ITGA1: variants seen among roughly 807,000 people sequenced by gnomAD.
ITGA1 encodes the protein integrin alpha-1.
Under a neutral mutation model 145.9 loss-of-function variants are expected in ITGA1, and 85 were observed. The ratio of observed to expected loss-of-function variants is 0.58; its 90% CI spans 0.49 to 0.70. ITGA1 has a LOEUF of 0.70. ITGA1 is among the 30% of genes least tolerant of loss of function. ITGA1 has a pLI of 0.00. For missense variants in ITGA1, 1,351 were observed against 1,418.7 expected (o/e 0.95, Z 0.77); for synonymous variants, 520 against 495.3 (o/e 1.05, Z -0.66).
chr5:52,933,508 G>A (rs900843217), intron 22 of ITGA1: 1 of 152,476 alleles, frequency 6.6e-6, no homozygotes. Context: ...AGTAAATATA[G>A]GACTTTAAAT....
intron 2 of ITGA1, among the ~76,000 whole-genome samples, chr5:52,859,066 A>C (rs1223516725): frequency 6.6e-6 from 1 of 152,282 alleles, no homozygotes; most frequent in Admixed American, 6.5e-5. Context: ...CACAGAAAGC[A>C]CTTAGAACAG....
rs114549034 is a variant in ITGA1 at position 52,843,936 on chromosome 5, A to G, written c.62-5429A>G. The stretch of plus-strand genomic sequence containing the variant: ...TCAAATTATTGAATAGCTCAATATC[A>G]TTACTGTTATTATTATTATTATATT... On this transcript the variant is annotated intron_variant, in intron 1 of 28. Transcript: ENST00000282588. 4.6e-3 allele frequency among the ~76,000 whole-genome samples: 699 copies of G among 152,168 alleles called. 2 individuals carry two copies. The highest frequency in any genetic ancestry group is 7.4e-3 in the Non-Finnish European group (505 of 68,012).
At chr5:52,926,951 A>G (rs554193746) in intron 19 of ITGA1, among the ~76,000 whole-genome samples, 1 of 152,316 alleles carries the variant, frequency 6.6e-6, no homozygotes, top group South Asian at 2.1e-4. Flanking sequence ...ATGTTTCAAC[A>G]TTCTTGTAAT....
rs1276610460 is a variant in ITGA1 at position 52,957,467 on chromosome 5, T to C, written c.*5016T>C. On this transcript the variant is annotated 3_prime_UTR_variant, in exon 29 of 29. Transcript: ENST00000282588. ...GTATTTTTTTCTCTCTCTTTACATA[T>C]AGCAAAAGCTTTCCCCAGTAGCTGA... 2.0e-5 allele frequency: 3 copies of C among 152,146 alleles called. No individual in the cohort carries two copies. The highest frequency in any genetic ancestry group is 1.9e-4 in the East Asian group (1 of 5,196). The allele number at this position is 152,146 out of a possible 1,614,324, so 9.4% of individuals were successfully genotyped here.
chr5:52,889,310 C>T (rs560984213), intron 8 of ITGA1, among the ~76,000 whole-genome samples: 3 of 152,190 alleles, frequency 2.0e-5, no homozygotes, highest in East Asian at 3.9e-4. Context: ...CCATGTTGGT[C>T]GGGCCGGTCT....
intron 14 of ITGA1, among the ~76,000 whole-genome samples, 166 bp downstream of exon 14, chr5:52,910,585 A>C (rs1031988770): frequency 6.7e-6 from 1 of 150,200 alleles, no homozygotes; most frequent in Non-Finnish European, 1.5e-5. Context: ...TACTATATAT[A>C]TATACACACA....
chr5:52,934,352 T>G (rs1750935424), intron 23 of ITGA1, among the ~76,000 whole-genome samples: 3 of 151,796 alleles, frequency 2.0e-5, no homozygotes, highest in South Asian at 4.2e-4. Flanking sequence ...ACCTGTAGAC[T>G]TTACTTACAT....
chr5:52,812,515 G>C (rs1488905939), intron 1 of ITGA1, among the ~76,000 whole-genome samples: 1 of 152,124 alleles, frequency 6.6e-6, no homozygotes, highest in Non-Finnish European at 1.5e-5. Context: ...CTTGGATCTG[G>C]GCACCCTTTG....
chr5:52,885,266 C>T (rs1750029495), intron 7 of ITGA1, among the ~76,000 whole-genome samples: 1 of 152,074 alleles, frequency 6.6e-6, no homozygotes, highest in Non-Finnish European at 1.5e-5. Context: ...TTCTCTAGCC[C>T]CTCAATCTTT....
At chr5:52,801,383 C>T (rs1276814656) in intron 1 of ITGA1, 7 of 1,580,412 alleles carry the variant, frequency 4.4e-6, no homozygotes, top group Non-Finnish European at 6.1e-6. Flanking sequence ...GATTATTTTG[C>T]CTAACTTTTG....
chr5:52,877,231 G>GT (rs2111797025), intron 6 of ITGA1, among the ~76,000 whole-genome samples: 1 of 152,282 alleles, frequency 6.6e-6, no homozygotes, highest in East Asian at 1.9e-4. Context: ...TTTCAGGACA[G>GT]TTAGTCTGCC....
intron 1 of ITGA1, among the ~76,000 whole-genome samples, chr5:52,795,397 A>G (rs1415195146): frequency 6.6e-6 from 1 of 151,914 alleles, no homozygotes; most frequent in African/African-American, 2.4e-5. Flanking sequence ...AAATTTATAC[A>G]GCCCCGACTG....
At chr5:52,793,385 C>T (rs1748279481) in intron 1 of ITGA1, among the ~76,000 whole-genome samples, 1 of 151,998 alleles carries the variant, frequency 6.6e-6, no homozygotes, top group Admixed American at 6.6e-5. Context: ...TGAAATATTT[C>T]TGTCTATCCA....
intron 5 of ITGA1, 106 bp downstream of exon 5, chr5:52,865,188 T>C (rs1749668144): frequency 1.4e-6 from 1 of 726,530 alleles, no homozygotes; most frequent in African/African-American, 1.8e-5. Context: ...TTTTCTTAGC[T>C]ACCAGCATTA....
chr5:52,819,868 C>G (rs1211599210), intron 1 of ITGA1, among the ~76,000 whole-genome samples: 1 of 152,142 alleles, frequency 6.6e-6, no homozygotes, highest in Non-Finnish European at 1.5e-5. Flanking sequence ...CTACATATGG[C>G]TAGCCAGTTT....
At chr5:52,839,317 T>C (rs1389372203) in intron 1 of ITGA1, among the ~76,000 whole-genome samples, 1 of 152,240 alleles carries the variant, frequency 6.6e-6, no homozygotes, top group South Asian at 2.1e-4. Flanking sequence ...TATTTGAATA[T>C]GTTTTTTGTT....
intron 7 of ITGA1, among the ~76,000 whole-genome samples, chr5:52,884,086 T>C (rs1750008017): frequency 6.6e-6 from 1 of 152,226 alleles, no homozygotes. Flanking sequence ...GATATTCGCA[T>C]ACAAAGATCT....
intron 1 of ITGA1, among the ~76,000 whole-genome samples, chr5:52,806,649 A>G (rs1748592833): frequency 6.6e-6 from 1 of 152,160 alleles, no homozygotes; most frequent in Non-Finnish European, 1.5e-5. Context: ...TCCACATGTT[A>G]CACTATTATT....
rs573227149 is a variant in ITGA1, at chr5:52,849,089, AC to A, written c.62-273del. Among the ~76,000 whole-genome samples, 291 of 152,284 alleles carry A rather than the reference AC, an allele frequency of 1.9e-3. 2 individuals are homozygous for A. The highest frequency in any genetic ancestry group is 6.4e-3 in the African/African-American group (267 of 41,574). On this transcript the variant is annotated intron_variant, in intron 1 of 28. Transcript: ENST00000282588. ...ATGATTTATAATCCTTTGCATATAT[AC>A]CCAGTAATGGGATGGCTGGGTCAAA...
Sources: gnomAD v4.1 joint callset for allele counts (sites outside exome capture counted in the v4.1 genomes callset) on GRCh38, gnomAD v4.1.1 for gene constraint, MANE v1.5 for transcripts, NCBI Gene and HGNC (gene_info 2026-07-23, HGNC 2026-07-21) for gene names.